SDK1: variants seen among roughly 807,000 people sequenced by gnomAD.
SDK1 encodes the protein sidekick cell adhesion molecule 1.
A neutral mutation model predicts 245.5 loss-of-function variants in SDK1; 157 were observed. The observed-to-expected ratio is 0.64, with a 90% CI of 0.56 to 0.73. The LOEUF (loss-of-function observed/expected upper bound fraction) is 0.73. Ranked by LOEUF, SDK1 falls within the 30% of genes least tolerant of loss-of-function variation. The pLI is 0.00. For missense variants in SDK1, 3,583 were observed against 3,002.3 expected, an observed-to-expected ratio of 1.19 and a Z score of -4.52; for synonymous variants, 1,647 against 1,278.5, an observed-to-expected ratio of 1.29 and a Z score of -6.15.
At chr7:4,210,986 C>T (rs930070766) in intron 38 of SDK1, among the ~76,000 whole-genome samples, 1 of 152,106 alleles carries the variant, frequency 6.6e-6, no homozygotes, top group African/African-American at 2.4e-5. Context: ...TAGGGGCCCA[C>T]GGTGGGCAGA....
intron 40 of SDK1, among the ~76,000 whole-genome samples, chr7:4,224,351 G>A (rs539186570): frequency 6.6e-6 from 1 of 152,366 alleles, no homozygotes. Flanking sequence ...AAGCCAACAG[G>A]GAGCCGGCAC....
At position 4,115,125 on chromosome 7, in the gene SDK1, G is replaced by A. The variant is rs75449430; in HGVS notation, c.3823+851G>A. On this transcript the variant is annotated intron_variant, in intron 25 of 44. Coordinates refer to ENST00000404826, the MANE Select transcript of SDK1 (RefSeq NM_152744.4). ...ATTTTTAGAAACCCAAAGGAAGGAC[G>A]GCAATTAACGCTCATGAAGGACTCA... Among the ~76,000 whole-genome samples the A allele has an allele frequency of 3.2e-3, 488 of 152,264 alleles. 2 individuals carry two copies. The highest frequency in any genetic ancestry group is 0.01 in the African/African-American group (425 of 41,548).
intron 5 of SDK1, among the ~76,000 whole-genome samples, chr7:3,894,785 G>C (rs1479739564): frequency 1.4e-5 from 2 of 143,624 alleles, no homozygotes; most frequent in East Asian, 4.1e-4. Context: ...TGCAACCTCT[G>C]CCTCCCAAGT....
At chr7:3,747,503 T>C (rs1194046038) in intron 4 of SDK1, among the ~76,000 whole-genome samples, 1 of 152,266 alleles carries the variant, frequency 6.6e-6, no homozygotes, top group East Asian at 1.9e-4. Context: ...GTCATTCTTT[T>C]ATTTAGCAAA....
intron 5 of SDK1, among the ~76,000 whole-genome samples, chr7:3,939,692 T>C (rs1780286270): frequency 6.6e-6 from 1 of 152,206 alleles, no homozygotes; most frequent in South Asian, 2.1e-4. Context: ...TGTATGTATA[T>C]CTGAGTCTCT....
At chr7:3,467,327 A>G in intron 1 of SDK1, among the ~76,000 whole-genome samples, 1 of 152,108 alleles carries the variant, frequency 6.6e-6, no homozygotes, top group Non-Finnish European at 1.5e-5. Context: ...AAAGGAAACT[A>G]CTTTTATTCA....
intron 2 of SDK1, among the ~76,000 whole-genome samples, chr7:3,630,057 A>C (rs187860421): frequency 6.6e-6 from 1 of 152,232 alleles, no homozygotes; most frequent in Admixed American, 6.5e-5. Flanking sequence ...TAATAAAGCT[A>C]TAGTGATAGA....
At chr7:4,216,606 C>A (rs1393204602) in intron 38 of SDK1, among the ~76,000 whole-genome samples, 1 of 152,182 alleles carries the variant, frequency 6.6e-6, no homozygotes. Flanking sequence ...CATCAGGCAT[C>A]CTTGAAGTAT....
chr7:3,755,444 T>C (rs1193590701), intron 4 of SDK1, among the ~76,000 whole-genome samples: 1 of 152,174 alleles, frequency 6.6e-6, no homozygotes, highest in Non-Finnish European at 1.5e-5. Context: ...ATAGTCCGCC[T>C]CACTGGATAC....
intron 17 of SDK1, among the ~76,000 whole-genome samples, chr7:4,029,640 G>A (rs933648167): frequency 3.3e-5 from 5 of 152,104 alleles, no homozygotes; most frequent in Admixed American, 6.5e-5. Context: ...CAAGCAGGGT[G>A]GGGATTGAGC....
chr7:4,070,739 T>A (rs1476584031), intron 20 of SDK1, among the ~76,000 whole-genome samples: 8 of 150,384 alleles, frequency 5.3e-5, no homozygotes, highest in Non-Finnish European at 1.2e-4. Context: ...AGATGGAGTC[T>A]CACTCTGCAG....
At position 3,416,278 on chromosome 7, in the gene SDK1, C is replaced by T. The variant is rs75042241; in HGVS notation, c.298+114394C>T. On this transcript the variant is annotated intron_variant, in intron 1 of 44. Transcript: ENST00000404826. ...AAGTCATATTACTAAAAGTTTTTGC[C>T]GTTCAGGGAGGAGTTGGTCTCACTT... Among the ~76,000 whole-genome samples the T allele has an allele frequency of 4.7e-3, 712 of 152,066 alleles. 26 individuals are homozygous for T. The South Asian group carries it at 0.075, about 16-fold the overall frequency.
rs12333872 is a variant in SDK1 at position 4,014,926 on chromosome 7, T to C, written c.2421-2245T>C. On this transcript the variant is annotated intron_variant, in intron 16 of 44. Transcript: ENST00000404826. ...GTTCCGGAGGGGAGCGCAGGCTCTT[T>C]GGAAGATGTAAATTCTGCAGTTTGT... is the stretch of plus-strand genomic sequence containing the variant. Among the ~76,000 whole-genome samples, 1,053 of 152,290 alleles carry C rather than the reference T, an allele frequency of 6.9e-3. 14 individuals carry two copies. Among genetic ancestry groups the C allele is most frequent in the African/African-American group, 0.024 (998 of 41,558 alleles).
intron 4 of SDK1, among the ~76,000 whole-genome samples, chr7:3,676,030 A>G (rs193227468): frequency 2.0e-5 from 3 of 152,202 alleles, no homozygotes; most frequent in Admixed American, 6.5e-5. Flanking sequence ...TTGTGGCACT[A>G]TCACGGCTGA....
At chr7:3,914,518 A>G (rs1779298063) in intron 5 of SDK1, among the ~76,000 whole-genome samples, 1 of 152,248 alleles carries the variant, frequency 6.6e-6, no homozygotes, top group South Asian at 2.1e-4. Context: ...GTATGTTTGC[A>G]GTTGCTGCAC....
At position 4,069,711 on chromosome 7, in the gene SDK1, G is replaced by A. The variant is rs181893018; in HGVS notation, c.3010+1775G>A. On this transcript the variant is annotated intron_variant, in intron 20 of 44. Transcript: ENST00000404826. The stretch of plus-strand genomic sequence containing the variant: ...CTGCCAGGCTGCAGGGTTGGGGGCC[G>A]TTTCTTCTCCGCACTGGCGTCCTGG... Among the ~76,000 whole-genome samples the A allele has an allele frequency of 6.6e-5, 10 of 152,340 alleles. No individual in the cohort carries two copies. In the East Asian group the frequency reaches 9.6e-4, roughly 15 times the overall value.
At position 3,301,869 on chromosome 7, in the gene SDK1, C is replaced by T. The variant is rs1396234978; in HGVS notation, c.283C>T (p.Arg95Trp). The change falls in exon 1 of 45, where the codon CGG becomes TGG. Residue 95 changes from arginine to tryptophan, a missense_variant. Physicochemically the swap from Arg to Trp is moderately radical, Grantham distance 101. Transcript: ENST00000404826. ...ALLALQLHLL[R>W]ALAQDDVAPY... is the part of the protein sequence containing the mutation. The stretch of plus-strand genomic sequence containing the variant: ...GCTGGCGCTGCAGCTGCACTTGCTC[C>T]GGGCGCTGGCGCAAGGTAGGTGCGC... 1.1e-5 allele frequency: 13 copies of T among 1,135,806 alleles called. No homozygotes were observed. Among genetic ancestry groups the T allele is most frequent in the Non-Finnish European group, 1.4e-5 (13 of 927,204 alleles). 70.4% of individuals were successfully genotyped at this position (1,135,806 alleles called of 1,614,324 possible).
At chr7:4,257,360 G>A (rs1469409221) in intron 44 of SDK1, among the ~76,000 whole-genome samples, 1 of 152,138 alleles carries the variant, frequency 6.6e-6, no homozygotes, top group Non-Finnish European at 1.5e-5. Context: ...ACCGACACAC[G>A]TTGCTACTTC....
At chr7:4,134,109 A>G (rs931509239) in intron 28 of SDK1, among the ~76,000 whole-genome samples, 5 of 152,182 alleles carry the variant, frequency 3.3e-5, no homozygotes, top group African/African-American at 1.2e-4. Context: ...GGAAAGTCAG[A>G]TATTTATTGA....
Sources: allele counts gnomAD v4.1 joint callset (sites outside exome capture counted in the v4.1 genomes callset), GRCh38; gene constraint gnomAD v4.1.1; transcripts MANE v1.5; gene names NCBI Gene and HGNC (gene_info 2026-07-23, HGNC 2026-07-21).